The following NACC2 variants were observed in gnomAD, a reference collection of about 807,000 sequenced individuals.
NACC2 encodes the protein nucleus accumbens-associated protein 2.
A neutral mutation model predicts 25.1 loss-of-function variants in NACC2; 8 were observed. The observed-to-expected ratio is 0.32, with a 90% CI of 0.19 to 0.57. The LOEUF (loss-of-function observed/expected upper bound fraction) is 0.57. Ranked by LOEUF, NACC2 falls within the 20% of genes least tolerant of loss-of-function variation. The pLI, the probability that NACC2 is intolerant of heterozygous loss-of-function variation, is 0.89. For synonymous variants in NACC2, 435 were observed against 294.7 expected (o/e 1.48, Z -4.88); for missense variants, 644 against 650.2 (o/e 0.99, Z 0.10).
Position 136,013,159 on chromosome 9 carries a change from G to GCCCCCGGCCCCCCCCCCC in NACC2, c.1255+39_1255+40insGGGGGGGGGGGCCGGGGG. Reference sequence around the variant, plus strand: ...CTCCTCAGGCTGGGATCTGAACCCAGCCCCGGCCCCACCCACCCGAGAGAC... The same window carrying GCCCCCGGCCCCCCCCCCC: ...CTCCTCAGGCTGGGATCTGAACCCAGCCCCCGGCCCCCCCCCCCCCCCGGCCCCACCCACCCGAGAGAC... On this transcript the variant is annotated intron_variant, in intron 5 of 5. Coordinates refer to ENST00000277554, the MANE Select transcript of NACC2 (RefSeq NM_144653.5). This position sits in a 1 kb window ranked among gnomAD's most constrained non-coding sequence, Gnocchi z 6.6. 7.9e-6 allele frequency: 6 copies of GCCCCCGGCCCCCCCCCCC among 754,868 alleles called. No individual in the cohort carries two copies. The highest frequency in any genetic ancestry group is 1.9e-5 in the Admixed American group (1 of 52,864). The allele number at this position is 754,868 out of a possible 1,614,324, so 46.8% of individuals were successfully genotyped here. A position where few individuals can be genotyped will look rare whatever the true frequency, so the allele number is the denominator to read the frequency against.
In NACC2 at chr9:136,013,455, A is replaced by G. The variant is rs1169593358; in HGVS notation, c.1158-159T>C. Among the ~76,000 whole-genome samples the G allele has an allele frequency of 6.6e-6, 1 of 152,132 alleles. No homozygotes were observed. The highest frequency in any genetic ancestry group is 1.5e-5 in the Non-Finnish European group (1 of 68,030). On this transcript the variant is annotated intron_variant, in intron 4 of 5. Transcript: ENST00000277554. The surrounding 1 kb of genome is among the most constrained non-coding windows in gnomAD (Gnocchi z 6.6). ...CAGGAGCCGGCCCAGCCACCCTCTA[A>G]GGGACAGGACAAAGGAAAAGCGTCT...
chr9:136,095,075 C>G (rs1246289412), intron 1 of NACC2, 114 bp downstream of exon 1: 1 of 146,092 alleles, frequency 6.8e-6, no homozygotes, highest in Admixed American at 6.8e-5. Flanking sequence ...CGGCAGGGGG[C>G]TCGCGCCAAG....
rs746475671 is a variant in NACC2 at position 136,016,386 on chromosome 9, G to A, written c.930C>T (p.Cys310=). Residue 310 remains cysteine (C), a synonymous_variant, in exon 3 of 6, where the codon TGC becomes TGT. Coordinates refer to ENST00000277554, the MANE Select transcript of NACC2 (RefSeq NM_144653.5). ...CCACGAGGTCGCGGCGGATGAGGAC[G>A]CAGGAGCGGCTCTCCAGCGGCACTG... ...PEPVPLESRS[C]VLIRRDLVAL... is the part of the protein sequence containing the mutation. The A allele has an allele frequency of 1.5e-5, 24 of 1,611,318 alleles. No homozygotes were observed. The highest frequency in any genetic ancestry group is 9.9e-5 in the South Asian group (9 of 91,002).
In NACC2 at chr9:136,049,754, G is replaced by C. The variant is rs1035547513; in HGVS notation, c.768C>G (p.Thr256=). 1.6e-4 allele frequency: 128 copies of C among 778,044 alleles called. No homozygotes were observed. In the African/African-American group the frequency reaches 1.9e-3, roughly 12 times the overall value. The allele number at this position is 778,044 out of a possible 1,614,324, so 48.2% of individuals were successfully genotyped here. A position where few individuals can be genotyped will look rare whatever the true frequency, so the allele number is the denominator to read the frequency against. Residue 256 remains threonine, a synonymous_variant, in exon 2 of 6, where the codon ACC becomes ACG. Transcript: ENST00000277554. ...TGTGGTACGAGGTGGGGCTGTCGGT[G>C]GTGGGCAGGCTGCTGGCGCCTGGAC... ...RTSPGASSLP[T]TDSPTSYHNE...
In NACC2 at chr9:136,009,797, G is replaced by C. The variant is rs1053302858; in HGVS notation, c.*1719C>G. On this transcript the variant is annotated 3_prime_UTR_variant, in exon 6 of 6. Coordinates refer to ENST00000277554, the MANE Select transcript of NACC2 (RefSeq NM_144653.5). ...GATGGGTTGTGGAGGTTGGGGGAGT[G>C]GGGTGCGCTGGTCGGCCACCGCTCA... The C allele has an allele frequency of 2.0e-5, 3 of 152,398 alleles. No individual in the cohort carries two copies. Among genetic ancestry groups the C allele is most frequent in the African/African-American group, 7.2e-5 (3 of 41,428 alleles). 9.4% of individuals were successfully genotyped at this position (152,398 alleles called of 1,614,324 possible). A position where few individuals can be genotyped will look rare whatever the true frequency, so the allele number is the denominator to read the frequency against.
In NACC2 at chr9:136,055,142, C is replaced by T. The variant is rs1840904761; in HGVS notation, c.-59-4562G>A. ...TGCCCTGCCCTGGGGTTAGGGGTTG[C>T]CCACCATGATGAGCCCCATACCCAG... On this transcript the variant is annotated intron_variant, in intron 1 of 5. Coordinates refer to ENST00000277554, the MANE Select transcript of NACC2 (RefSeq NM_144653.5). The surrounding 1 kb of genome is among the most constrained non-coding windows in gnomAD (Gnocchi z 4.9). Among the ~76,000 whole-genome samples the T allele has an allele frequency of 6.6e-6, 1 of 152,154 alleles. No individual in the cohort carries two copies. The highest frequency in any genetic ancestry group is 1.5e-5 in the Non-Finnish European group (1 of 68,032).
intron 1 of NACC2, among the ~76,000 whole-genome samples, chr9:136,083,073 G>C (rs745447465): frequency 1.8e-4 from 28 of 152,188 alleles, no homozygotes; most frequent in Non-Finnish European, 3.5e-4. Context: ...CACTTCACAC[G>C]GCAGAACCTT....
At chr9:136,047,379 T>C (rs1280875605) in intron 2 of NACC2, among the ~76,000 whole-genome samples, 2 of 152,184 alleles carry the variant, frequency 1.3e-5, no homozygotes, top group African/African-American at 4.8e-5. Context: ...ACACACCCCC[T>C]TTCTCTGCCC....
intron 1 of NACC2, among the ~76,000 whole-genome samples, chr9:136,074,607 G>A (rs1316050149): frequency 2.0e-5 from 3 of 151,386 alleles, no homozygotes; most frequent in East Asian, 2.0e-4. Flanking sequence ...ACCATTCCTC[G>A]TTCTGTCACA....
chr9:136,094,768 C>A (rs1830470664), intron 1 of NACC2, among the ~76,000 whole-genome samples: 1 of 151,954 alleles, frequency 6.6e-6, no homozygotes, highest in African/African-American at 2.4e-5. Context: ...CCGGGCCAGT[C>A]CTGCCCCGGC....
chr9:136,031,020 C>T (rs997868161), intron 2 of NACC2, among the ~76,000 whole-genome samples: 1 of 152,112 alleles, frequency 6.6e-6, no homozygotes, highest in Non-Finnish European at 1.5e-5. Context: ...CTTACCAAAC[C>T]TGACACAAGA....
intron 2 of NACC2, among the ~76,000 whole-genome samples, chr9:136,036,569 A>G (rs909103816): frequency 1.3e-5 from 2 of 152,220 alleles, no homozygotes; most frequent in Non-Finnish European, 2.9e-5. Context: ...ATACACACGT[A>G]TATTAGCTGA....
intron 2 of NACC2, among the ~76,000 whole-genome samples, chr9:136,038,653 G>T (rs1225560167): frequency 6.6e-6 from 1 of 152,164 alleles, no homozygotes; most frequent in Non-Finnish European, 1.5e-5. Context: ...TTACTTTATG[G>T]TAAAAATTAC....
At chr9:136,028,077 T>A (rs545627656) in intron 2 of NACC2, among the ~76,000 whole-genome samples, 1 of 152,032 alleles carries the variant, frequency 6.6e-6, no homozygotes, top group East Asian at 1.9e-4. Flanking sequence ...CTGGCCAACA[T>A]GGTGAAACCC....
chr9:136,092,238 G>T (rs1051840678), intron 1 of NACC2, among the ~76,000 whole-genome samples: 1 of 152,186 alleles, frequency 6.6e-6, no homozygotes, highest in Non-Finnish European at 1.5e-5. Context: ...AGGGCACTTC[G>T]GGGAAGGCCC....
At chr9:136,073,204 G>A (rs116567265) in intron 1 of NACC2, among the ~76,000 whole-genome samples, 8,864 of 152,098 alleles carry the variant, frequency 0.058, 285 homozygotes, top group African/African-American at 0.081. Flanking sequence ...GGGGTGGGAG[G>A]ATCACTTGAG....
intron 1 of NACC2, among the ~76,000 whole-genome samples, chr9:136,061,201 G>T (rs1229795004): frequency 6.6e-6 from 1 of 152,106 alleles, no homozygotes; most frequent in Non-Finnish European, 1.5e-5. Context: ...CGGCTACCGG[G>T]GTCTCCCACT....
intron 2 of NACC2, among the ~76,000 whole-genome samples, chr9:136,040,593 A>G (rs982741276): frequency 3.3e-5 from 5 of 152,078 alleles, no homozygotes; most frequent in Non-Finnish European, 5.9e-5. Flanking sequence ...ACAAGCGGAA[A>G]CATTCCAAAA....
intron 1 of NACC2, among the ~76,000 whole-genome samples, chr9:136,051,567 G>A (rs1564231721): frequency 6.6e-6 from 1 of 152,068 alleles, no homozygotes; most frequent in East Asian, 1.9e-4. Flanking sequence ...GCCGCACAAA[G>A]GCCGCTGTGT....
Sources: gnomAD v4.1 joint callset for allele counts (sites outside exome capture counted in the v4.1 genomes callset) on GRCh38, gnomAD v4.1.1 for gene constraint, Gnocchi (gnomAD v3.1) non-coding constraint, MANE v1.5 for transcripts, NCBI Gene and HGNC (gene_info 2026-07-23, HGNC 2026-07-21) for gene names.